Variants in L3MBTL1 observed in about 807,000 individuals in gnomAD.
L3MBTL1 encodes lethal(3)malignant brain tumor-like protein 1.
Under a neutral mutation model 105.3 loss-of-function variants are expected in L3MBTL1, and 75 were observed. That is an observed-to-expected ratio of 0.71 (90% confidence interval 0.59 to 0.86). L3MBTL1 has a LOEUF of 0.86. L3MBTL1 is among the 40% of genes least tolerant of loss of function. The probability of loss-of-function intolerance (pLI) is 0.00; values close to 1 mark genes in which losing one functional copy is unlikely to be tolerated. For synonymous variants in L3MBTL1, 452 were observed against 436.2 expected, an observed-to-expected ratio of 1.04 and a Z score of -0.45; for missense variants, 1,069 against 1,126.4, an observed-to-expected ratio of 0.95 and a Z score of 0.73.
downstream of L3MBTL1, among the ~76,000 whole-genome samples, chr20:43,542,611 C>A (rs143273143): frequency 5.0e-3 from 565 of 112,222 alleles, no homozygotes; most frequent in Middle Eastern, 9.4e-3. Flanking sequence ...AAAAATTTAA[C>A]AAAAAAAAAA....
chr20:43,522,994 G>C (rs377592522), intron 7 of L3MBTL1, among the ~76,000 whole-genome samples: 1 of 151,678 alleles, frequency 6.6e-6, no homozygotes, highest in East Asian at 1.9e-4. Context: ...TGTAATCCCA[G>C]CTACTCAGGA....
chr20:43,540,014 C>T, intron 19 of L3MBTL1, 137 bp from the exon 20 acceptor site: 1 of 912,518 alleles, frequency 1.1e-6, no homozygotes, highest in African/African-American at 1.6e-5. Context: ...ACCCTCTTGA[C>T]TCTACAGGCT....
exon 19 of L3MBTL1, chr20:43,549,239 A>G (rs1391852917): frequency 6.6e-6 from 1 of 152,252 alleles, no homozygotes; most frequent in African/African-American, 2.4e-5. Flanking sequence ...CAGCCAAGGT[A>G]TTGCCCATGG....
At chr20:43,539,738 GAGA>G (rs2019811262) in intron 19 of L3MBTL1, 8 of 260,836 alleles carry the variant, frequency 3.1e-5, no homozygotes, top group South Asian at 3.1e-4. Flanking sequence ...AAGGACTCAT[GAGA>G]AGAAGAGTAA....
chr20:43,539,753 CAG>C, intron 19 of L3MBTL1: 1 of 299,872 alleles, frequency 3.3e-6, no homozygotes, highest in Non-Finnish European at 6.6e-6. Flanking sequence ...GAAGAGTAAA[CAG>C]AGTGGACTTC....
At chr20:43,521,433 G>A (rs1373655527) in intron 7 of L3MBTL1, among the ~76,000 whole-genome samples, 4 of 152,220 alleles carry the variant, frequency 2.6e-5, no homozygotes, top group African/African-American at 9.6e-5. Context: ...GAAGTACTGT[G>A]TTGGTTTCTA....
At chr20:43,516,253 G>A in intron 7 of L3MBTL1, 76 bp downstream of exon 7, 5 of 1,060,092 alleles carry the variant, frequency 4.7e-6, no homozygotes, top group Non-Finnish European at 7.2e-6. Flanking sequence ...GAGAATGTGG[G>A]TTATGATTGT....
chr20:43,511,438 A>G (rs1394514680), intron 1 of L3MBTL1, among the ~76,000 whole-genome samples: 5 of 152,192 alleles, frequency 3.3e-5, no homozygotes, highest in Admixed American at 6.5e-5. Context: ...ATATAATAGT[A>G]ATGAGACAGA....
chr20:43,514,553 A>AAGAG (rs754894384), intron 3 of L3MBTL1, 82 bp from the exon 4 acceptor site: 7 of 1,591,328 alleles, frequency 4.4e-6, no homozygotes, highest in Non-Finnish European at 6.0e-6. Flanking sequence ...GCATGAGGCG[A>AAGAG]AGAGAGGGCC....
At position 43,522,456 on chromosome 20, in the gene L3MBTL1, AGTTTTTTTTTTTT is replaced by A. The variant is rs1405191776; in HGVS notation, c.863-6200_863-6188del. On this transcript the variant is annotated intron_variant, in intron 7 of 21. Coordinates refer to ENST00000418998, the MANE Select transcript of L3MBTL1 (RefSeq NM_001377303.1). ...ATGGTAACTGAATTTTTCCCTGCTA[AGTTTTTTTTTTTT>A]TTTTTTTTTTTTTTTTTTTGGAGAC... Among the ~76,000 whole-genome samples the A allele has an allele frequency of 1.0e-4, 9 of 89,944 alleles. No individual in the cohort carries two copies. In the South Asian group the frequency reaches 3.0e-3, roughly 30 times the overall value. The allele number at this position is 89,944 out of a possible 152,430, so 59.0% of individuals were successfully genotyped here.
intron 7 of L3MBTL1, 121 bp from the exon 8 acceptor site, chr20:43,528,536 A>T: frequency 1.4e-6 from 1 of 711,398 alleles, no homozygotes; most frequent in Non-Finnish European, 2.5e-6. Context: ...ACCAGAGGGT[A>T]CATGTGAACA....
intron 7 of L3MBTL1, among the ~76,000 whole-genome samples, chr20:43,525,399 A>T (rs916443851): frequency 1.1e-5 from 1 of 93,950 alleles, no homozygotes; most frequent in South Asian, 3.3e-4. Flanking sequence ...ACAAGTTATT[A>T]AAAAAAAAAG....
At chr20:43,538,632 G>A (rs1028663421) in intron 19 of L3MBTL1, among the ~76,000 whole-genome samples, 10 of 152,132 alleles carry the variant, frequency 6.6e-5, no homozygotes, top group African/African-American at 2.2e-4. Flanking sequence ...TAGTCTTTAG[G>A]CCTAGGAGTG....
At position 43,536,584 on chromosome 20, in the gene L3MBTL1, G is replaced by A. The variant is rs569535396; in HGVS notation, c.2173+126G>A. ...GCTAGAAGGAGGGCTGTGCCTCTTC[G>A]TTTGAGATACTGAGAGCACAGAGCA... On this transcript the variant is annotated intron_variant, in intron 19 of 21. Transcript: ENST00000418998. 1.8e-5 allele frequency: 20 copies of A among 1,107,968 alleles called. No individual in the cohort carries two copies. In the East Asian group the frequency reaches 2.2e-4, roughly 12 times the overall value. 68.6% of individuals were successfully genotyped at this position (1,107,968 alleles called of 1,614,324 possible). A position where few individuals can be genotyped will look rare whatever the true frequency, so the allele number is the denominator to read the frequency against.
chr20:43,544,132 G>C (rs1978418659), downstream of L3MBTL1, among the ~76,000 whole-genome samples: 1 of 152,226 alleles, frequency 6.6e-6, no homozygotes, highest in Non-Finnish European at 1.5e-5. Context: ...TGTGCAGCCA[G>C]ATGTTTACTG....
At chr20:43,542,390 G>C (rs2019951935), downstream of L3MBTL1, among the ~76,000 whole-genome samples, 1 of 152,074 alleles carries the variant, frequency 6.6e-6, no homozygotes, top group Non-Finnish European at 1.5e-5. Flanking sequence ...CGTGTCCAGA[G>C]CTGAACTCCC....
rs1315802723 is a variant in L3MBTL1, at chr20:43,541,164, ATAAT to A, written c.*40_*43del. 1 of 1,595,790 alleles carries A rather than the reference ATAAT, an allele frequency of 6.3e-7. No homozygotes were observed. Among genetic ancestry groups the A allele is most frequent in the Admixed American group, 1.7e-5 (1 of 59,040 alleles). ...TTTCCCCTTTAATCCAATATAGTTGATAATTAAAGTGTATTTTGAATGACACAGA... is the reference window on the plus strand; with the variant it reads ...TTTCCCCTTTAATCCAATATAGTTGATAAAGTGTATTTTGAATGACACAGA... On this transcript the variant is annotated 3_prime_UTR_variant, in exon 22 of 22. Coordinates refer to ENST00000418998, the MANE Select transcript of L3MBTL1 (RefSeq NM_001377303.1).
intron 3 of L3MBTL1, 51 bp downstream of exon 3, chr20:43,514,112 G>A: frequency 2.1e-6 from 3 of 1,432,102 alleles, no homozygotes; most frequent in Non-Finnish European, 2.8e-6. Flanking sequence ...GCCATGGGGC[G>A]GGGCTTGCAG....
intron 1 of L3MBTL1, among the ~76,000 whole-genome samples, chr20:43,512,677 A>G (rs1354272439): frequency 6.6e-6 from 1 of 152,248 alleles, no homozygotes; most frequent in Admixed American, 6.5e-5. Context: ...TCTACTGGAC[A>G]GTGCTGGTAA....
Sources: gnomAD v4.1 joint callset for allele counts (sites outside exome capture counted in the v4.1 genomes callset) on GRCh38, gnomAD v4.1.1 for gene constraint, MANE v1.5 for transcripts, NCBI Gene and HGNC (gene_info 2026-07-23, HGNC 2026-07-21) for gene names.